BAZ2B: variants seen among roughly 807,000 people sequenced by gnomAD.
BAZ2B encodes bromodomain adjacent to zinc finger domain protein 2B.
BAZ2B carries 91 observed loss-of-function variants against 246.0 expected under a neutral mutation model. The observed-to-expected ratio is 0.37, with a 90% CI of 0.31 to 0.44. BAZ2B has a LOEUF of 0.44. Among genes scored for constraint, BAZ2B ranks in the 20% least tolerant of loss-of-function variants. The pLI, the probability that BAZ2B is intolerant of heterozygous loss-of-function variation, is 1.00. For synonymous variants in BAZ2B, 855 were observed against 860.0 expected, an observed-to-expected ratio of 0.99 and a Z score of 0.10; for missense variants, 2,332 against 2,533.7, an observed-to-expected ratio of 0.92 and a Z score of 1.71.
At chr2:159,471,572 T>G (rs2077798388) in intron 3 of BAZ2B, among the ~76,000 whole-genome samples, 1 of 152,118 alleles carries the variant, frequency 6.6e-6, no homozygotes. Context: ...CCAGACAAAG[T>G]GAGACTCTGT....
At chr2:159,658,450 A>C in the BAZ2B span, among the ~76,000 whole-genome samples, 1 of 152,038 alleles carries the variant, frequency 6.6e-6, no homozygotes, top group Non-Finnish European at 1.5e-5. Context: ...CCTCTCACCT[A>C]GGCCTCATGA....
At chr2:159,551,265 C>G (rs1411550086) in intron 2 of BAZ2B, among the ~76,000 whole-genome samples, 1 of 151,980 alleles carries the variant, frequency 6.6e-6, no homozygotes, top group African/African-American at 2.4e-5. Context: ...GTCAGGAGAT[C>G]AAAACCATCC....
chr2:159,347,799 T>C (rs994874521), intron 30 of BAZ2B, among the ~76,000 whole-genome samples, 153 bp from the exon 31 acceptor site: 1 of 152,100 alleles, frequency 6.6e-6, no homozygotes, highest in African/African-American at 2.4e-5. Flanking sequence ...AGCTTACTCT[T>C]AAAAGTAGAA....
At chr2:159,610,773 A>G (rs2151815291) in intron 1 of BAZ2B, among the ~76,000 whole-genome samples, 1 of 152,276 alleles carries the variant, frequency 6.6e-6, no homozygotes, top group East Asian at 1.9e-4. Flanking sequence ...TTTAAAACAA[A>G]TTGAAATACT....
chr2:159,514,045 A>G (rs1029131045), intron 2 of BAZ2B, among the ~76,000 whole-genome samples: 2 of 152,016 alleles, frequency 1.3e-5, no homozygotes, highest in African/African-American at 4.8e-5. Context: ...TTTCCTCAAC[A>G]TCATCTTTTT....
chr2:159,447,336 A>G (rs2074400218), intron 5 of BAZ2B, among the ~76,000 whole-genome samples: 2 of 152,222 alleles, frequency 1.3e-5, no homozygotes, highest in African/African-American at 4.8e-5. Flanking sequence ...GATGGTTAAT[A>G]TTATGTTAAG....
intron 30 of BAZ2B, 97 bp downstream of exon 30, chr2:159,348,581 T>A (rs1223487091): frequency 7.3e-6 from 10 of 1,372,100 alleles, no homozygotes; most frequent in African/African-American, 1.5e-5. Flanking sequence ...AACCCATGAA[T>A]ATGAAGGACC....
At chr2:159,477,549 T>C (rs926280699) in intron 3 of BAZ2B, among the ~76,000 whole-genome samples, 25 of 152,000 alleles carry the variant, frequency 1.6e-4, no homozygotes, top group African/African-American at 5.1e-4. Context: ...GCAAATATTA[T>C]ATATTTATGC....
intron 13 of BAZ2B, among the ~76,000 whole-genome samples, chr2:159,423,635 T>C (rs1391808281): frequency 6.6e-6 from 1 of 152,118 alleles, no homozygotes; most frequent in Non-Finnish European, 1.5e-5. Flanking sequence ...CCATCAACAG[T>C]GGACTGAATA....
intron 33 of BAZ2B, among the ~76,000 whole-genome samples, chr2:159,336,724 G>A (rs2065732298): frequency 6.6e-6 from 1 of 152,146 alleles, no homozygotes; most frequent in African/African-American, 2.4e-5. Context: ...ATATTCAAAG[G>A]AGGCAGAAGC....
At chr2:159,375,934 T>G (rs1328706654) in intron 25 of BAZ2B, among the ~76,000 whole-genome samples, 3 of 152,060 alleles carry the variant, frequency 2.0e-5, no homozygotes, top group Non-Finnish European at 4.4e-5. Context: ...ACACATTGAG[T>G]TTTTAGAATA....
At chr2:159,371,897 C>G (rs1014277900) in intron 27 of BAZ2B, among the ~76,000 whole-genome samples, 2 of 152,166 alleles carry the variant, frequency 1.3e-5, no homozygotes, top group African/African-American at 4.8e-5. Context: ...AGAGATGCCT[C>G]TGGGATCATT....
At chr2:159,555,279 C>T (rs1038465815) in intron 2 of BAZ2B, among the ~76,000 whole-genome samples, 13 of 151,598 alleles carry the variant, frequency 8.6e-5, no homozygotes, top group Non-Finnish European at 1.8e-4. Flanking sequence ...TTAGTAGAGT[C>T]GGGGTTTTAC....
chr2:159,363,516 A>G (rs2059926105), intron 27 of BAZ2B, among the ~76,000 whole-genome samples: 1 of 152,188 alleles, frequency 6.6e-6, no homozygotes, highest in Admixed American at 6.5e-5. Context: ...TAGGTCATAC[A>G]AGCCCCACAG....
chr2:159,645,190 T>G, the BAZ2B span, among the ~76,000 whole-genome samples: 1 of 152,142 alleles, frequency 6.6e-6, no homozygotes, highest in Non-Finnish European at 1.5e-5. Context: ...GAGGATCACT[T>G]GGGCCTGGGA....
At chr2:159,383,311 CA>C (rs2062224836) in intron 24 of BAZ2B, among the ~76,000 whole-genome samples, 1 of 151,994 alleles carries the variant, frequency 6.6e-6, no homozygotes, top group Admixed American at 6.6e-5. Flanking sequence ...GTGATAAAAG[CA>C]ACTTAATAGC....
chr2:159,532,457 CA>C (rs2085477532), intron 2 of BAZ2B, among the ~76,000 whole-genome samples: 1 of 151,834 alleles, frequency 6.6e-6, no homozygotes, highest in Non-Finnish European at 1.5e-5. Flanking sequence ...ACGGGGAGAA[CA>C]AAAAAGTTTA....
the BAZ2B span, among the ~76,000 whole-genome samples, chr2:159,695,809 C>A: frequency 9.2e-4 from 140 of 152,088 alleles, no homozygotes; most frequent in Non-Finnish European, 1.7e-3. Context: ...GGCTGGAGTG[C>A]AGTGGCGTGA....
intron 33 of BAZ2B, among the ~76,000 whole-genome samples, chr2:159,336,713 GAT>G (rs2065729249): frequency 6.6e-6 from 1 of 152,122 alleles, no homozygotes; most frequent in African/African-American, 2.4e-5. Context: ...AGGTATAAAC[GAT>G]ATTCAAAGGA....
Sources: gnomAD v4.1 joint callset for allele counts (sites outside exome capture counted in the v4.1 genomes callset) on GRCh38, gnomAD v4.1.1 for gene constraint, MANE v1.5 for transcripts, NCBI Gene and HGNC (gene_info 2026-07-23, HGNC 2026-07-21) for gene names.